NDUFAF2: variants seen among roughly 807,000 people sequenced by gnomAD.
NDUFAF2 encodes the protein NADH dehydrogenase [ubiquinone] 1 alpha subcomplex assembly factor 2.
A neutral mutation model predicts 22.8 loss-of-function variants in NDUFAF2; 13 were observed. The ratio of observed to expected loss-of-function variants is 0.57; its 90% confidence interval spans 0.37 to 0.91. NDUFAF2 has a LOEUF of 0.91. NDUFAF2 is among the 40% of genes least tolerant of loss of function. The pLI, the probability that NDUFAF2 is intolerant of heterozygous loss-of-function variation, is 0.01. For synonymous variants in NDUFAF2, 53 were observed against 64.2 expected (o/e 0.83, Z 0.84); for missense variants, 162 against 195.2 (o/e 0.83, Z 1.01).
At chr5:61,093,413 T>C (rs947991200) in intron 2 of NDUFAF2, among the ~76,000 whole-genome samples, 6 of 152,226 alleles carry the variant, frequency 3.9e-5, no homozygotes, top group Non-Finnish European at 7.3e-5. Flanking sequence ...ATGGCTCTTA[T>C]TATTTTAAGG....
intron 1 of NDUFAF2, 180 bp downstream of exon 1, chr5:60,945,562 C>T (rs1750428113): frequency 5.3e-6 from 5 of 952,020 alleles, no homozygotes; most frequent in Non-Finnish European, 8.0e-6. Flanking sequence ...GAGCCCTACC[C>T]GGCCCGGCTC....
chr5:61,040,286 A>ACACGCACGCGCGCGCGCGCG (rs1491193758), intron 1 of NDUFAF2, among the ~76,000 whole-genome samples: 1 of 93,074 alleles, frequency 1.1e-5, no homozygotes, highest in Non-Finnish European at 2.2e-5. Flanking sequence ...ACACACACAC[A>ACACGCACGCGCGCGCGCGCG]CGCGCGCGCG....
intron 1 of NDUFAF2, among the ~76,000 whole-genome samples, chr5:60,982,086 A>C (rs1441624832): frequency 6.6e-6 from 1 of 152,232 alleles, no homozygotes; most frequent in Non-Finnish European, 1.5e-5. Context: ...AAAATGGACA[A>C]ATAGGATTAC....
chr5:61,087,115 G>A (rs1752513005), intron 2 of NDUFAF2, among the ~76,000 whole-genome samples: 4 of 152,112 alleles, frequency 2.6e-5, no homozygotes, highest in Admixed American at 2.0e-4. Flanking sequence ...GAGGTCATGA[G>A]GGTGAGGCCT....
chr5:61,074,210 G>A (rs10471503), intron 2 of NDUFAF2, among the ~76,000 whole-genome samples: 20,905 of 152,190 alleles, frequency 0.14, 1,776 homozygotes, highest in South Asian at 0.26. Flanking sequence ...CCAGCACTTC[G>A]GGAGGTCGAA....
intron 1 of NDUFAF2, among the ~76,000 whole-genome samples, chr5:61,061,738 G>A (rs1752167982): frequency 6.6e-5 from 10 of 152,176 alleles, no homozygotes; most frequent in Admixed American, 6.5e-4. Flanking sequence ...CTGAGCATCT[G>A]TGCTCTGGAT....
At chr5:61,005,641 G>A (rs1485523176) in intron 1 of NDUFAF2, among the ~76,000 whole-genome samples, 2 of 152,170 alleles carry the variant, frequency 1.3e-5, no homozygotes, top group Middle Eastern at 3.2e-3. Flanking sequence ...TAACTGGTGT[G>A]AGATGGTATC....
intron 3 of NDUFAF2, among the ~76,000 whole-genome samples, chr5:61,113,491 ATCCCCAGGTG>A (rs1301293601): frequency 1.3e-5 from 2 of 152,104 alleles, no homozygotes; most frequent in Admixed American, 1.3e-4. Flanking sequence ...AGTTCCCATA[ATCCCCAGGTG>A]TTGTGGGAGG....
chr5:60,956,736 A>G (rs554692597), intron 1 of NDUFAF2, among the ~76,000 whole-genome samples: 27 of 152,280 alleles, frequency 1.8e-4, no homozygotes, highest in Admixed American at 3.9e-4. Context: ...TGAGGTTTTT[A>G]TGAAAACATT....
rs1293153833 is a variant in NDUFAF2, at chr5:61,107,268, A to G, written c.258+8236A>G. ...ATTTGTTATTGCCCATCTTTTTGAT[A>G]GAAGCCATTTTAACTGGGGTGACGT... On this transcript the variant is annotated intron_variant, in intron 3 of 3. Coordinates refer to ENST00000296597, the MANE Select transcript of NDUFAF2 (RefSeq NM_174889.5). 5.3e-5 allele frequency among the ~76,000 whole-genome samples: 8 copies of G among 151,346 alleles called. No individual in the cohort carries two copies. In the East Asian group the frequency reaches 1.5e-3, roughly 29 times the overall value.
chr5:61,044,369 T>C (rs1338649690), intron 1 of NDUFAF2, among the ~76,000 whole-genome samples: 6 of 152,168 alleles, frequency 3.9e-5, no homozygotes, highest in African/African-American at 1.4e-4. Flanking sequence ...GTAATTCCAC[T>C]TGTCTATTTT....
In NDUFAF2 at chr5:61,096,597, CAAAAAAAAA is replaced by C. The variant is rs35508356; in HGVS notation, c.218-2382_218-2374del. ...CTGGCAACAGAGTGAGACACCATTGCAAAAAAAAAAAAAAAAAAAAATCTGTACAAGTTT... is the reference window on the plus strand; with the variant it reads ...CTGGCAACAGAGTGAGACACCATTGCAAAAAAAAAAAATCTGTACAAGTTT... On this transcript the variant is annotated intron_variant, in intron 2 of 3. Transcript: ENST00000296597. Among the ~76,000 whole-genome samples the C allele has an allele frequency of 1.5e-4, 14 of 95,296 alleles. 1 individual carries two copies. Among genetic ancestry groups the C allele is most frequent in the African/African-American group, 2.1e-4 (5 of 24,196 alleles). The allele number at this position is 95,296 out of a possible 152,430, so 62.5% of individuals were successfully genotyped here.
Position 61,083,729 on chromosome 5 carries a change from T to G in NDUFAF2, c.217+10515T>G, listed in dbSNP as rs569252854. Among the ~76,000 whole-genome samples the G allele has an allele frequency of 2.6e-5, 4 of 151,792 alleles. 1 individual carries two copies. Among genetic ancestry groups the G allele is most frequent in the Non-Finnish European group, 5.9e-5 (4 of 67,720 alleles). ...ATGTTTTATTAAACTAATACCTAAG[T>G]GTTTCTTGATTTTTTTGGTGCTATT... On this transcript the variant is annotated intron_variant, in intron 2 of 3. Transcript: ENST00000296597.
chr5:60,945,650 G>T (rs1750432700), intron 1 of NDUFAF2, among the ~76,000 whole-genome samples: 1 of 152,336 alleles, frequency 6.6e-6, no homozygotes, highest in East Asian at 1.9e-4. Context: ...CGGGCTGCTT[G>T]CGCTGTTAAG....
intron 1 of NDUFAF2, among the ~76,000 whole-genome samples, chr5:60,947,972 G>C (rs1750485857): frequency 6.6e-6 from 1 of 151,916 alleles, no homozygotes; most frequent in Admixed American, 6.6e-5. Context: ...CATTTTGAGA[G>C]TTTTATTGAA....
intron 1 of NDUFAF2, among the ~76,000 whole-genome samples, chr5:60,994,081 C>T (rs1312264865): frequency 6.6e-6 from 1 of 152,206 alleles, no homozygotes; most frequent in Non-Finnish European, 1.5e-5. Flanking sequence ...TCATTGGTGC[C>T]CAAAATCCAG....
At chr5:61,055,213 T>A (rs1438536704) in intron 1 of NDUFAF2, among the ~76,000 whole-genome samples, 1 of 152,218 alleles carries the variant, frequency 6.6e-6, no homozygotes, top group African/African-American at 2.4e-5. Flanking sequence ...GTTTCCCAAC[T>A]TACAAATCAG....
chr5:61,116,885 A>C (rs1229675502), intron 3 of NDUFAF2: 1 of 152,206 alleles, frequency 6.6e-6, no homozygotes, highest in African/African-American at 2.4e-5. Context: ...AGAGTACCTG[A>C]TACATCTGAA....
chr5:60,970,007 CA>C (rs1750807350), intron 1 of NDUFAF2, among the ~76,000 whole-genome samples: 2 of 152,080 alleles, frequency 1.3e-5, no homozygotes, highest in Admixed American at 6.6e-5. Flanking sequence ...GTGTTCTTGG[CA>C]CTTTTGTTGA....
Sources: allele counts gnomAD v4.1 joint callset (sites outside exome capture counted in the v4.1 genomes callset), GRCh38; gene constraint gnomAD v4.1.1; transcripts MANE v1.5; gene names NCBI Gene and HGNC (gene_info 2026-07-23, HGNC 2026-07-21).